The following NFIB variants were observed in gnomAD, a reference collection of about 807,000 sequenced individuals.
NFIB encodes the protein nuclear factor I B, also known as nuclear factor 1 B-type.
Under a neutral mutation model 61.5 loss-of-function variants are expected in NFIB, and 11 were observed. The ratio of observed to expected loss-of-function variants is 0.18; its 90% CI spans 0.11 to 0.30. The LOEUF (loss-of-function observed/expected upper bound fraction) is 0.30, where lower values mean the gene tolerates loss of function less well. NFIB is among the 10% of genes least tolerant of loss of function. The probability of loss-of-function intolerance (pLI) is 1.00; values close to 1 mark genes in which losing one functional copy is unlikely to be tolerated. For missense variants in NFIB, 471 were observed against 608.9 expected, an observed-to-expected ratio of 0.77 and a Z score of 2.38; for synonymous variants, 260 against 216.5, an observed-to-expected ratio of 1.20 and a Z score of -1.76.
the NFIB span, among the ~76,000 whole-genome samples, chr9:14,506,603 T>C: frequency 6.6e-6 from 1 of 152,220 alleles, no homozygotes; most frequent in East Asian, 1.9e-4. Context: ...GGAGAGATGC[T>C]GGAAGTACCT....
chr9:14,237,564 G>C lies in NFIB; in HGVS notation c.563-57784C>G, dbSNP rs149428514. Among the ~76,000 whole-genome samples the C allele has an allele frequency of 1.9e-3, 292 of 152,178 alleles. 2 individuals carry two copies. The highest frequency in any genetic ancestry group is 6.9e-3 in the African/African-American group (285 of 41,490). ...CATGATTACTACTCATTATTAATCA[G>C]ACTTCCCAACATGCTTCCAAGGTAT... On this transcript the variant is annotated intron_variant, in intron 2 of 10. Coordinates refer to ENST00000380953, the MANE Select transcript of NFIB (RefSeq NM_001190737.2).
At chr9:14,304,977 A>G (rs1313317456) in intron 2 of NFIB, among the ~76,000 whole-genome samples, 1 of 152,236 alleles carries the variant, frequency 6.6e-6, no homozygotes, top group Non-Finnish European at 1.5e-5. Flanking sequence ...AGAGGATACA[A>G]GTTATATACA....
chr9:14,370,039 T>C (rs1400764218), intron 1 of NFIB, among the ~76,000 whole-genome samples: 1 of 152,240 alleles, frequency 6.6e-6, no homozygotes, highest in Non-Finnish European at 1.5e-5. Context: ...CCTTGTATGT[T>C]CTTGGCTTTA....
At chr9:14,360,296 G>C (rs1191767086) in intron 1 of NFIB, among the ~76,000 whole-genome samples, 1 of 152,074 alleles carries the variant, frequency 6.6e-6, no homozygotes, top group Non-Finnish European at 1.5e-5. Flanking sequence ...TAAGAAATTT[G>C]GTATAGCCCC....
chr9:14,158,008 G>A (rs2043643299), intron 3 of NFIB, among the ~76,000 whole-genome samples: 1 of 151,592 alleles, frequency 6.6e-6, no homozygotes, highest in Admixed American at 6.6e-5. Flanking sequence ...CTACTCGGGA[G>A]GCCGAGGCAG....
chr9:14,250,669 A>G (rs1287352076), intron 2 of NFIB, among the ~76,000 whole-genome samples: 1 of 152,250 alleles, frequency 6.6e-6, no homozygotes, highest in Non-Finnish European at 1.5e-5. Flanking sequence ...AAGCAACATT[A>G]AACATACCAA....
At chr9:14,513,780 C>T in the NFIB span, among the ~76,000 whole-genome samples, 4 of 152,102 alleles carry the variant, frequency 2.6e-5, no homozygotes, top group Non-Finnish European at 5.9e-5. Flanking sequence ...CCATCACTTA[C>T]TCTCTTTGTG....
rs1476711533 is a variant in NFIB at position 14,204,230 on chromosome 9, C to T, written c.563-24450G>A. ...ATTTGAGGAATGATCTCTCTTTTCC[C>T]GCCGTCCACTGCCCAAGATGTGGAA... On this transcript the variant is annotated intron_variant, in intron 2 of 10. Transcript: ENST00000380953. The T allele has an allele frequency of 3.0e-5, 17 of 565,770 alleles. No homozygotes were observed. The East Asian group carries it at 3.1e-4, about 10-fold the overall frequency. 35.0% of individuals were successfully genotyped at this position (565,770 alleles called of 1,614,324 possible).
chr9:14,155,587 T>C (rs1230618618), intron 4 of NFIB, among the ~76,000 whole-genome samples: 2 of 152,142 alleles, frequency 1.3e-5, no homozygotes, highest in African/African-American at 4.8e-5. Context: ...TGAATACCAA[T>C]AACATGGCAA....
chr9:14,476,382 C>T, the NFIB span, among the ~76,000 whole-genome samples: 3 of 151,952 alleles, frequency 2.0e-5, no homozygotes, highest in Non-Finnish European at 4.4e-5. Flanking sequence ...TGATGCCCAA[C>T]TGAAGCATCT....
chr9:14,375,008 T>C (rs1588389188), intron 1 of NFIB, among the ~76,000 whole-genome samples: 2 of 152,198 alleles, frequency 1.3e-5, no homozygotes, highest in Non-Finnish European at 2.9e-5. Flanking sequence ...GATGAATGAA[T>C]GTCACGTTTA....
At chr9:14,238,492 G>A (rs1021834935) in intron 2 of NFIB, among the ~76,000 whole-genome samples, 3 of 152,138 alleles carry the variant, frequency 2.0e-5, no homozygotes, top group African/African-American at 7.2e-5. Context: ...AGACAGAAGG[G>A]TGCATGCGCT....
the NFIB span, among the ~76,000 whole-genome samples, chr9:14,506,047 C>T: frequency 6.6e-6 from 1 of 151,790 alleles, no homozygotes; most frequent in Non-Finnish European, 1.5e-5. Context: ...AAGAAAAAGT[C>T]ATTATAGAAA....
chr9:14,422,753 C>T, the NFIB span, among the ~76,000 whole-genome samples: 1 of 152,166 alleles, frequency 6.6e-6, no homozygotes, highest in African/African-American at 2.4e-5. Flanking sequence ...ATCCAGTGAC[C>T]ACTTCTGCGA....
At chr9:14,349,243 T>C (rs12347310) in intron 1 of NFIB, among the ~76,000 whole-genome samples, 30,578 of 152,154 alleles carry the variant, frequency 0.2, 3,889 homozygotes, top group Middle Eastern at 0.35. Context: ...TGGTCTCGCA[T>C]GCGAACCTGT....
the NFIB span, among the ~76,000 whole-genome samples, chr9:14,504,934 C>A: frequency 1.3e-5 from 2 of 152,182 alleles, no homozygotes; most frequent in African/African-American, 4.8e-5. Context: ...ATGCTTTCAA[C>A]TTTTCCCCGT....
intron 1 of NFIB, among the ~76,000 whole-genome samples, chr9:14,326,043 T>C (rs1230504613): frequency 6.6e-6 from 1 of 152,230 alleles, no homozygotes; most frequent in Non-Finnish European, 1.5e-5. Flanking sequence ...TTAGGACATT[T>C]ATAAAGTGCC....
At chr9:14,484,444 C>T in the NFIB span, among the ~76,000 whole-genome samples, 1 of 152,190 alleles carries the variant, frequency 6.6e-6, no homozygotes, top group Non-Finnish European at 1.5e-5. Flanking sequence ...CCCTTATACC[C>T]AATCTTCTCA....
At chr9:14,420,981 T>TA in the NFIB span, among the ~76,000 whole-genome samples, 2 of 152,006 alleles carry the variant, frequency 1.3e-5, no homozygotes, top group Non-Finnish European at 2.9e-5. Flanking sequence ...AACTTAGTCT[T>TA]AGTTAATTAT....
Sources: allele counts gnomAD v4.1 joint callset (sites outside exome capture counted in the v4.1 genomes callset), GRCh38; gene constraint gnomAD v4.1.1; transcripts MANE v1.5; gene names NCBI Gene and HGNC (gene_info 2026-07-23, HGNC 2026-07-21).